VPS13A: variants seen among roughly 807,000 people sequenced by gnomAD.
VPS13A encodes the protein intermembrane lipid transfer protein VPS13A.
A neutral mutation model predicts 390.9 loss-of-function variants in VPS13A; 264 were observed. That is an observed-to-expected ratio of 0.68 (90% confidence interval 0.61 to 0.75). The LOEUF (loss-of-function observed/expected upper bound fraction) is 0.75. VPS13A is among the 30% of genes least tolerant of loss of function. The pLI is 0.00. For missense variants in VPS13A, 3,409 were observed against 3,733.9 expected (o/e 0.91, Z 2.27); for synonymous variants, 1,231 against 1,227.1 (o/e 1.00, Z -0.07).
chr9:77,193,291 G>A (rs543193398), intron 1 of VPS13A, among the ~76,000 whole-genome samples: 9 of 151,688 alleles, frequency 5.9e-5, no homozygotes, highest in African/African-American at 1.9e-4. Context: ...ACTTTCTCCC[G>A]AATTTCGGTA....
intron 13 of VPS13A, 110 bp from the exon 14 acceptor site, chr9:77,225,816 C>A: frequency 1.2e-6 from 1 of 800,332 alleles, no homozygotes; most frequent in Non-Finnish European, 2.1e-6. Context: ...CTGTTGTTTG[C>A]TTCCTATTAT....
chr9:77,177,625 A>G lies in VPS13A; in HGVS notation c.-80A>G, dbSNP rs537809966. 1.3e-5 allele frequency: 17 copies of G among 1,338,306 alleles called. No individual in the cohort carries two copies. The highest frequency in any genetic ancestry group is 2.4e-5 in the East Asian group (1 of 42,262). The allele number at this position is 1,338,306 out of a possible 1,614,324, so 82.9% of individuals were successfully genotyped here. A position where few individuals can be genotyped will look rare whatever the true frequency, so the allele number is the denominator to read the frequency against. Reference sequence around the variant, plus strand: ...CGCCCCGGAGCCGGTGAACCGAATTACCTCGAGGGAGGGGCGTGGGGAAGG... The same window carrying G: ...CGCCCCGGAGCCGGTGAACCGAATTGCCTCGAGGGAGGGGCGTGGGGAAGG... On this transcript the variant is annotated 5_prime_UTR_variant, in exon 1 of 72. Coordinates refer to ENST00000360280, the MANE Select transcript of VPS13A (RefSeq NM_033305.3).
intron 52 of VPS13A, among the ~76,000 whole-genome samples, chr9:77,349,574 A>G (rs1831343902): frequency 6.6e-6 from 1 of 152,190 alleles, no homozygotes; most frequent in Non-Finnish European, 1.5e-5. Flanking sequence ...AATTAAATAA[A>G]TACTTAATTG....
At chr9:77,271,942 A>G (rs1256370825) in intron 23 of VPS13A, among the ~76,000 whole-genome samples, 1 of 152,130 alleles carries the variant, frequency 6.6e-6, no homozygotes, top group Admixed American at 6.5e-5. Context: ...GTTGCTTGTA[A>G]TGTTTCATAC....
chr9:77,208,254 A>G lies in VPS13A; in HGVS notation c.386-1169A>G, dbSNP rs540676314. ...TTCTATAATCTATTTATATGTATAT[A>G]TATTCATTTAACTCTGGTGTATTTG... On this transcript the variant is annotated intron_variant, in intron 5 of 71. Transcript: ENST00000360280. 1.8e-3 allele frequency among the ~76,000 whole-genome samples: 269 copies of G among 152,230 alleles called. 2 individuals are homozygous for G. The South Asian group carries it at 0.021, about 12-fold the overall frequency.
chr9:77,270,375 T>A (rs1353393129), intron 23 of VPS13A, among the ~76,000 whole-genome samples: 2 of 152,214 alleles, frequency 1.3e-5, no homozygotes, highest in East Asian at 3.8e-4. Flanking sequence ...CTTGGTTAAA[T>A]TATGTTCTAG....
chr9:77,284,165 G>A (rs1349437408), intron 31 of VPS13A, among the ~76,000 whole-genome samples: 1 of 152,028 alleles, frequency 6.6e-6, no homozygotes, highest in Non-Finnish European at 1.5e-5. Flanking sequence ...TTTGTTACTG[G>A]TTATAAAACA....
At chr9:77,204,732 C>T (rs1825538678) in intron 3 of VPS13A, among the ~76,000 whole-genome samples, 1 of 152,090 alleles carries the variant, frequency 6.6e-6, no homozygotes, top group South Asian at 2.1e-4. Context: ...GCTCAAGATC[C>T]TCCCACCTCA....
chr9:77,291,516 G>T (rs1028026443), intron 31 of VPS13A, among the ~76,000 whole-genome samples: 3 of 152,098 alleles, frequency 2.0e-5, no homozygotes, highest in African/African-American at 7.2e-5. Context: ...AGATTAATAC[G>T]ATTTCCTTCA....
chr9:77,250,252 GTTGA>G (rs770676639), intron 21 of VPS13A, 23 bp downstream of exon 21: 8 of 1,611,246 alleles, frequency 5.0e-6, no homozygotes, highest in South Asian at 1.1e-5. Context: ...TGCATTATTT[GTTGA>G]TTGATTTTGT....
chr9:77,370,287 G>A lies in VPS13A; in HGVS notation c.8698G>A (p.Glu2900Lys), dbSNP rs1832677771. ...GAIQGPEEFV[E>K]GMALGLKALV... ...CATCCAGGGTCCTGAAGAGTTTGTG[G>A]AAGGAATGGCACTAGGACTTAAGGC... Residue 2900 changes from glutamate (E) to lysine (K), a missense_variant, in exon 64 of 72, where the codon GAA (glutamate) becomes AAA (lysine). Around this residue, in one of 5 missense-constraint regions of VPS13A, gnomAD observed 30 missense variants for 63.4 expected, o/e 0.47. Coordinates refer to ENST00000360280, the MANE Select transcript of VPS13A (RefSeq NM_033305.3). 6.2e-7 allele frequency: 1 copy of A among 1,614,026 alleles called. No homozygotes were observed. The highest frequency in any genetic ancestry group is 1.3e-5 in the African/African-American group (1 of 74,932).
At chr9:77,350,652 G>T (rs865988917) in intron 52 of VPS13A, among the ~76,000 whole-genome samples, 53 of 151,908 alleles carry the variant, frequency 3.5e-4, no homozygotes, top group Middle Eastern at 6.8e-3. Flanking sequence ...TTATTTTCTT[G>T]CGAGTGACTA....
intron 15 of VPS13A, 134 bp from the exon 16 acceptor site, chr9:77,227,257 A>G: frequency 1.5e-6 from 1 of 676,342 alleles, no homozygotes. Context: ...GCCCCATTCA[A>G]ACATTCAGTG....
chr9:77,363,670 A>AT (rs1411904337), intron 59 of VPS13A, among the ~76,000 whole-genome samples: 1 of 151,698 alleles, frequency 6.6e-6, no homozygotes. Context: ...ACTTTCTCTG[A>AT]TTTTCTCCTG....
chr9:77,190,259 G>A (rs1824594579), intron 1 of VPS13A, among the ~76,000 whole-genome samples: 1 of 152,066 alleles, frequency 6.6e-6, no homozygotes, highest in Admixed American at 6.6e-5. Context: ...TTATTTCCAG[G>A]TATATTCCTT....
At chr9:77,315,221 T>C (rs1829318811) in intron 37 of VPS13A, 32 bp from the exon 38 acceptor site, 1 of 1,573,952 alleles carries the variant, frequency 6.4e-7, no homozygotes, top group South Asian at 1.1e-5. Context: ...AAGTTACTCA[T>C]ACATAGGAAT....
At chr9:77,210,703 C>G in intron 7 of VPS13A, 28 bp downstream of exon 7, 1 of 1,603,896 alleles carries the variant, frequency 6.2e-7, no homozygotes, top group Non-Finnish European at 8.5e-7. Flanking sequence ...GAATCTTAAC[C>G]ATATTTAATG....
chr9:77,294,851 A>G (rs544686526), intron 32 of VPS13A, among the ~76,000 whole-genome samples: 1 of 152,062 alleles, frequency 6.6e-6, no homozygotes, highest in Non-Finnish European at 1.5e-5. Context: ...TAGTAGGGAC[A>G]ACAGGCCCTG....
At chr9:77,188,037 G>A (rs975947970) in intron 1 of VPS13A, among the ~76,000 whole-genome samples, 5 of 152,166 alleles carry the variant, frequency 3.3e-5, no homozygotes, top group African/African-American at 1.2e-4. Context: ...GATCTTTCAT[G>A]GCTTGGTGCT....
Sources: allele counts gnomAD v4.1 joint callset (sites outside exome capture counted in the v4.1 genomes callset), GRCh38; gene constraint gnomAD v4.1.1; regional missense constraint gnomAD v4.1.1; transcripts MANE v1.5; gene names NCBI Gene and HGNC (gene_info 2026-07-23, HGNC 2026-07-21).